Variants in ARHGAP23 observed in about 807,000 individuals in gnomAD.
ARHGAP23 encodes the protein Rho GTPase activating protein 23, also known as rho GTPase-activating protein 23.
A neutral mutation model predicts 136.3 loss-of-function variants in ARHGAP23; 34 were observed. That is an observed-to-expected ratio of 0.25 (90% CI 0.19 to 0.33). The LOEUF (loss-of-function observed/expected upper bound fraction) is 0.33, where lower values mean the gene tolerates loss of function less well. Ranked by LOEUF, ARHGAP23 falls within the 10% of genes least tolerant of loss-of-function variation. The probability of loss-of-function intolerance (pLI) is 1.00; values close to 1 mark genes in which losing one functional copy is unlikely to be tolerated. For missense variants in ARHGAP23, 1,808 were observed against 2,139.0 expected (o/e 0.85, Z 3.05); for synonymous variants, 832 against 920.5 (o/e 0.90, Z 1.74).
At position 38,477,434 on chromosome 17, in the gene ARHGAP23, C is replaced by A. The variant is rs963731746; in HGVS notation, c.2119-145C>A. Reference sequence around the variant, plus strand: ...GGTGGGCTGTGGGCAGGAGGCTGCCCAGGTCTAGCCGGGTGGAGCAGGGGG... The same window carrying A: ...GGTGGGCTGTGGGCAGGAGGCTGCCAAGGTCTAGCCGGGTGGAGCAGGGGG... On this transcript the variant is annotated intron_variant, in intron 11 of 23. Coordinates refer to ENST00000622683, the MANE Select transcript of ARHGAP23 (RefSeq NM_001199417.2). The surrounding 1 kb of genome is among the most constrained non-coding windows in gnomAD (Gnocchi z 6.6). 13 of 785,672 alleles carry A rather than the reference C, an allele frequency of 1.7e-5. No individual in the cohort carries two copies. In the African/African-American group the frequency reaches 2.3e-4, roughly 14 times the overall value. 48.7% of individuals were successfully genotyped at this position (785,672 alleles called of 1,614,324 possible). A position where few individuals can be genotyped will look rare whatever the true frequency, so the allele number is the denominator to read the frequency against.
Position 38,458,084 on chromosome 17 carries a change from CCT to C in ARHGAP23, c.64-13_64-12del, listed in dbSNP as rs2039371339. ...TCAGCCACACGGGCGCTCAGCCTGG[CCT>C]CTCTGTCTCCCACAGCTGCCACTGG... On this transcript the variant is annotated splice_polypyrimidine_tract_variant and intron_variant, in intron 1 of 23. Coordinates refer to ENST00000622683, the MANE Select transcript of ARHGAP23 (RefSeq NM_001199417.2). The C allele has an allele frequency of 1.3e-6, 2 of 1,535,652 alleles. No homozygotes were observed. The highest frequency in any genetic ancestry group is 1.4e-5 in the African/African-American group (1 of 73,044).
chr17:38,469,544 C>A lies in ARHGAP23; in HGVS notation c.1825C>A (p.Arg609Ser). The change falls in exon 9 of 24, where the codon CGC becomes AGC. Residue 609 changes from arginine to serine, a missense_variant. Arg to Ser is a moderately radical substitution (Grantham distance 110). Transcript: ENST00000622683. ...TGCAGGCAGCATCAAGGCTGGCCGC[C>A]GCTCCTCCTACCTGCTGGCCATCAC... ...QDCSSIKAGR[R>S]SSYLLAITTE... The A allele has an allele frequency of 6.5e-7, 1 of 1,548,450 alleles. No individual in the cohort carries two copies. Among genetic ancestry groups the A allele is most frequent in the Non-Finnish European group, 8.7e-7 (1 of 1,146,654 alleles).
Position 38,479,118 on chromosome 17 carries a change from G to A in ARHGAP23, c.2437-318G>A, listed in dbSNP as rs559725354. On this transcript the variant is annotated intron_variant, in intron 12 of 23. Transcript: ENST00000622683. ...ACTATGGCAGTAGCAGTCCCTCCTGGGGCACCTCCTCCATGCCTGCTCAGT... is the reference window on the plus strand; with the variant it reads ...ACTATGGCAGTAGCAGTCCCTCCTGAGGCACCTCCTCCATGCCTGCTCAGT... Among the ~76,000 whole-genome samples the A allele has an allele frequency of 3.9e-5, 6 of 152,306 alleles. No individual in the cohort carries two copies. In the South Asian group the frequency reaches 1.2e-3, roughly 32 times the overall value.
intron 22 of ARHGAP23, chr17:38,498,890 C>T: frequency 1.4e-6 from 1 of 696,406 alleles, no homozygotes; most frequent in Non-Finnish European, 2.6e-6. Context: ...CCCGTGCTCT[C>T]CTCCCACCCC....
chr17:38,458,142 C>G lies in ARHGAP23; in HGVS notation c.104C>G (p.Pro35Arg). The G allele has an allele frequency of 4.6e-6, 7 of 1,536,148 alleles. No homozygotes were observed. The highest frequency in any genetic ancestry group is 6.1e-6 in the Non-Finnish European group (7 of 1,146,906). ...AGAGATGGGTGCTCTCCTAGGCGCC[C>G]CTTCCCCTGGCAGGGGCCGAGGACG... The part of the protein sequence containing the change: ...GPRDGCSPRR[P>R]FPWQGPRTLL... Residue 35 changes from proline (P) to arginine (R), a missense_variant, in exon 2 of 24, where the codon CCC (proline) becomes CGC (arginine). This residue lies in a region of ARHGAP23 where 859 missense variants were observed against 936.4 expected (regional missense o/e 0.92). Coordinates refer to ENST00000622683, the MANE Select transcript of ARHGAP23 (RefSeq NM_001199417.2).
At chr17:38,490,197 C>T in intron 18 of ARHGAP23, 22 bp downstream of exon 18, 1 of 1,549,624 alleles carries the variant, frequency 6.5e-7, no homozygotes, top group Non-Finnish European at 8.7e-7. Context: ...GAGGTGCTGT[C>T]AGACACGAGG....
chr17:38,465,344 G>T (rs1263286904), intron 6 of ARHGAP23, among the ~76,000 whole-genome samples: 1 of 144,612 alleles, frequency 6.9e-6, no homozygotes, highest in Admixed American at 6.7e-5. Flanking sequence ...CTCTGGGTGT[G>T]TATCTTCCAG....
chr17:38,472,301 G>T (rs1293583554), intron 11 of ARHGAP23, among the ~76,000 whole-genome samples: 1 of 152,226 alleles, frequency 6.6e-6, no homozygotes, highest in African/African-American at 2.4e-5. Flanking sequence ...TCCTGAAGAT[G>T]GCCGCTGGGG....
intron 11 of ARHGAP23, among the ~76,000 whole-genome samples, chr17:38,474,599 A>T (rs115527706): frequency 0.03 from 4,563 of 152,164 alleles, 224 homozygotes; most frequent in African/African-American, 0.1. Context: ...GACAGACCCC[A>T]GTGGAGGTGT....
intron 3 of ARHGAP23, among the ~76,000 whole-genome samples, chr17:38,461,238 C>T (rs2039453908): frequency 6.6e-6 from 1 of 152,230 alleles, no homozygotes; most frequent in Non-Finnish European, 1.5e-5. Context: ...CCACCTGGCC[C>T]CTGCCCTCAA....
chr17:38,469,361 T>C, intron 8 of ARHGAP23, 62 bp downstream of exon 8: 1 of 1,498,154 alleles, frequency 6.7e-7, no homozygotes. Context: ...CAGGGGTCTC[T>C]GTTGGGCCTG....
chr17:38,489,481 C>T (rs372379600), intron 17 of ARHGAP23, among the ~76,000 whole-genome samples: 3 of 151,730 alleles, frequency 2.0e-5, no homozygotes, highest in South Asian at 4.2e-4. Context: ...CCGCTTCCCC[C>T]CTTTCTAGCC....
chr17:38,502,769 G>A (rs1301973141), intron 23 of ARHGAP23, among the ~76,000 whole-genome samples: 1 of 152,254 alleles, frequency 6.6e-6, no homozygotes, highest in Non-Finnish European at 1.5e-5. Context: ...AAGCAGCCAG[G>A]CATGGTGGCT....
At chr17:38,508,931 A>G (rs1346387771) in intron 23 of ARHGAP23, among the ~76,000 whole-genome samples, 1 of 151,504 alleles carries the variant, frequency 6.6e-6, no homozygotes, top group Non-Finnish European at 1.5e-5. Context: ...AGGCCTGGAT[A>G]GCAGCGCTGC....
intron 11 of ARHGAP23, among the ~76,000 whole-genome samples, chr17:38,472,374 C>T (rs1427552286): frequency 5.3e-5 from 8 of 151,900 alleles, no homozygotes; most frequent in South Asian, 4.2e-4. Context: ...CCCAAGAAGA[C>T]GCAGGCAAGC....
At position 38,482,089 on chromosome 17, in the gene ARHGAP23, T is replaced by C. The variant is rs2144719788; in HGVS notation, c.2697T>C (p.Ala899=). ...INIIKKNKKA[A]PRAFGVRLEE... is the part of the protein sequence containing the mutation. ...TCATCAAGAAAAATAAGAAGGCCGC[T>C]CCGAGGGCGTTTGGGGTCAGGCTGG... is the stretch of plus-strand genomic sequence containing the variant. The change falls in exon 15 of 24, where the codon GCT becomes GCC. Residue 899 remains alanine (A), a synonymous_variant. Transcript: ENST00000622683. 6.5e-7 allele frequency: 1 copy of C among 1,550,114 alleles called. No homozygotes were observed. Among genetic ancestry groups the C allele is most frequent in the Non-Finnish European group, 8.7e-7 (1 of 1,146,506 alleles).
At chr17:38,444,772 TCTC>T (rs1414346858) in intron 1 of ARHGAP23, among the ~76,000 whole-genome samples, 1 of 151,542 alleles carries the variant, frequency 6.6e-6, no homozygotes, top group Non-Finnish European at 1.5e-5. Flanking sequence ...GGCAGAGACT[TCTC>T]CTGGGCACCA....
Position 38,500,606 on chromosome 17 carries a change from C to T in ARHGAP23, c.3425C>T (p.Thr1142Ile). 6.5e-7 allele frequency: 1 copy of T among 1,549,262 alleles called. No homozygotes were observed. The highest frequency in any genetic ancestry group is 2.0e-5 in the Admixed American group (1 of 50,982). The change falls in exon 23 of 24, where the codon ACC becomes ATC. Residue 1142 changes from threonine (T) to isoleucine (I), a missense_variant. Around this residue, in one of 7 missense-constraint regions of ARHGAP23, gnomAD observed 104 missense variants for 131.8 expected, o/e 0.79. Transcript: ENST00000622683. ...TGTCTTTCACCAACAGATTCTACCA[C>T]CTGTAGTTCAGCCAAGTCCAAGGTA... ...PPGDPGSDSTTCSSAKSKGSW... is the reference protein window; with the variant it reads ...PPGDPGSDSTICSSAKSKGSW...
intron 1 of ARHGAP23, chr17:38,450,379 C>T (rs998207949): frequency 6.6e-6 from 1 of 152,096 alleles, no homozygotes; most frequent in Non-Finnish European, 1.5e-5. Flanking sequence ...GTCACTTGTT[C>T]TCTTTGAGCC....
Sources: gnomAD v4.1 joint callset for allele counts (sites outside exome capture counted in the v4.1 genomes callset) on GRCh38, gnomAD v4.1.1 for gene constraint, gnomAD v4.1.1 regional missense constraint, Gnocchi (gnomAD v3.1) non-coding constraint, MANE v1.5 for transcripts, NCBI Gene and HGNC (gene_info 2026-07-23, HGNC 2026-07-21) for gene names.